The following SLC25A21 variants were observed in gnomAD, a reference collection of about 807,000 sequenced individuals.
The protein encoded by SLC25A21 is solute carrier family 25 member 21.
In SLC25A21, 47 loss-of-function variants were observed where a neutral mutation model predicts 43.8. That is an observed-to-expected ratio of 1.07 (90% confidence interval 0.85 to 1.37). SLC25A21 has a LOEUF of 1.37. Among genes scored for constraint, SLC25A21 ranks in the 40% most tolerant of loss-of-function variants. The probability of loss-of-function intolerance (pLI) is 0.00; values close to 1 mark genes in which losing one functional copy is unlikely to be tolerated. For missense variants in SLC25A21, 352 were observed against 350.2 expected, an observed-to-expected ratio of 1.00 and a Z score of -0.04; for synonymous variants, 131 against 121.3, an observed-to-expected ratio of 1.08 and a Z score of -0.52.
At chr14:37,002,551 G>A (rs542397040) in intron 1 of SLC25A21, among the ~76,000 whole-genome samples, 1 of 152,284 alleles carries the variant, frequency 6.6e-6, no homozygotes, top group Admixed American at 6.5e-5. Context: ...CTTTGAGCAA[G>A]TGAGTCAATT....
Position 36,901,365 on chromosome 14 carries a change from C to T in SLC25A21, c.71-26361G>A, listed in dbSNP as rs143425493. ...TAGCACAAGTAGATGGATTAGTAATCTCATAGTCATATGGAATAAAGGCAA... is the reference window on the plus strand; with the variant it reads ...TAGCACAAGTAGATGGATTAGTAATTTCATAGTCATATGGAATAAAGGCAA... On this transcript the variant is annotated intron_variant, in intron 1 of 9. Coordinates refer to ENST00000331299, the MANE Select transcript of SLC25A21 (RefSeq NM_030631.4). 2.3e-4 allele frequency among the ~76,000 whole-genome samples: 35 copies of T among 152,148 alleles called. 1 individual carries two copies. The East Asian group carries it at 5.6e-3, about 24-fold the overall frequency.
chr14:37,135,392 C>T (rs1215849714), intron 1 of SLC25A21, among the ~76,000 whole-genome samples: 1 of 151,754 alleles, frequency 6.6e-6, no homozygotes, highest in African/African-American at 2.4e-5. Context: ...GAGCAAGATC[C>T]TATCTCTAAA....
intron 3 of SLC25A21, among the ~76,000 whole-genome samples, chr14:36,757,516 A>G (rs1443111575): frequency 6.6e-6 from 1 of 152,220 alleles, no homozygotes; most frequent in African/African-American, 2.4e-5. Context: ...ATTTATCAAC[A>G]TAAGAGGAAT....
chr14:36,896,637 TG>T (rs1566720034), intron 1 of SLC25A21, among the ~76,000 whole-genome samples: 1 of 152,240 alleles, frequency 6.6e-6, no homozygotes, highest in African/African-American at 2.4e-5. Context: ...CTAGCCTTGA[TG>T]GTCTTTACAA....
At chr14:36,989,342 T>C (rs1336494514) in intron 1 of SLC25A21, among the ~76,000 whole-genome samples, 1 of 152,164 alleles carries the variant, frequency 6.6e-6, no homozygotes, top group East Asian at 1.9e-4. Flanking sequence ...TAAAGTGTAA[T>C]TCTTATATTG....
rs1382125404 is a variant in SLC25A21, at chr14:37,172,326, A to T, written c.25T>A (p.Leu9Ile). The change falls in exon 1 of 10, where the codon TTA becomes ATA. Residue 9 changes from leucine to isoleucine, a missense_variant. Transcript: ENST00000331299. ...ATCTGCCGAGAAGCCTCGCGCACTA[A>T]GCTGACTTCAGGCTTGGCGGACATC... MSAKPEVS[L>I]VREASRQIVA... 6.2e-7 allele frequency: 1 copy of T among 1,603,136 alleles called. No individual in the cohort carries two copies. The highest frequency in any genetic ancestry group is 8.5e-7 in the Non-Finnish European group (1 of 1,175,006).
intron 1 of SLC25A21, among the ~76,000 whole-genome samples, chr14:37,084,360 G>A (rs995710403): frequency 1.3e-5 from 2 of 152,170 alleles, no homozygotes; most frequent in African/African-American, 4.8e-5. Flanking sequence ...TGATGAACTG[G>A]TGGTAGGGGC....
At chr14:37,022,823 T>C (rs1961015404) in intron 1 of SLC25A21, among the ~76,000 whole-genome samples, 1 of 152,102 alleles carries the variant, frequency 6.6e-6, no homozygotes, top group Admixed American at 6.6e-5. Flanking sequence ...AGAGAATGAA[T>C]GAATTAGGAC....
intron 2 of SLC25A21, among the ~76,000 whole-genome samples, chr14:36,836,034 C>T (rs1402074292): frequency 6.6e-6 from 1 of 152,216 alleles, no homozygotes; most frequent in African/African-American, 2.4e-5. Context: ...ACTGAATCTA[C>T]CTAGTATTTC....
intron 1 of SLC25A21, among the ~76,000 whole-genome samples, chr14:36,956,414 G>A (rs1959343023): frequency 6.6e-6 from 1 of 152,148 alleles, no homozygotes; most frequent in South Asian, 2.1e-4. Flanking sequence ...AGTTTTATTT[G>A]GAACTTAATG....
intron 3 of SLC25A21, among the ~76,000 whole-genome samples, chr14:36,781,364 C>A (rs148480478): frequency 6.6e-6 from 1 of 152,014 alleles, no homozygotes; most frequent in Non-Finnish European, 1.5e-5. Flanking sequence ...CTTACTACTG[C>A]CATTTTGTTG....
At chr14:36,916,033 G>C (rs1285666154) in intron 1 of SLC25A21, among the ~76,000 whole-genome samples, 3 of 152,148 alleles carry the variant, frequency 2.0e-5, no homozygotes, top group Admixed American at 2.0e-4. Flanking sequence ...AACAACCATG[G>C]AAGTACAAAA....
At chr14:36,777,063 T>C (rs1040343199) in intron 3 of SLC25A21, among the ~76,000 whole-genome samples, 9 of 152,024 alleles carry the variant, frequency 5.9e-5, no homozygotes, top group Non-Finnish European at 1.3e-4. Context: ...ATTGAGACCA[T>C]CCTGGCCAAC....
chr14:36,716,105 A>T (rs564739600), intron 6 of SLC25A21, among the ~76,000 whole-genome samples: 23 of 152,234 alleles, frequency 1.5e-4, no homozygotes, highest in African/African-American at 5.3e-4. Context: ...ATAATAAATA[A>T]ATAAATAAAT....
intron 1 of SLC25A21, among the ~76,000 whole-genome samples, chr14:36,956,156 C>T (rs1356240947): frequency 2.0e-5 from 3 of 152,140 alleles, no homozygotes; most frequent in African/African-American, 7.2e-5. Context: ...CGCTGAGCCT[C>T]GGAGTTAAGA....
At chr14:36,955,031 AT>A (rs1959298887) in intron 1 of SLC25A21, among the ~76,000 whole-genome samples, 2 of 152,126 alleles carry the variant, frequency 1.3e-5, no homozygotes, top group Non-Finnish European at 2.9e-5. Flanking sequence ...GAGTTTTTGC[AT>A]GTTTTTTCTC....
At chr14:36,740,559 A>AC (rs1163503530) in intron 3 of SLC25A21, among the ~76,000 whole-genome samples, 3 of 152,232 alleles carry the variant, frequency 2.0e-5, no homozygotes, top group Non-Finnish European at 2.9e-5. Flanking sequence ...GACAGCTCAC[A>AC]CATAGCTTAT....
At chr14:36,708,678 C>T (rs991329424) in intron 7 of SLC25A21, among the ~76,000 whole-genome samples, 12 of 151,978 alleles carry the variant, frequency 7.9e-5, no homozygotes, top group Non-Finnish European at 1.8e-4. Context: ...CTCAAGCAAT[C>T]CTCTTGCCTC....
chr14:37,088,832 T>C (rs1962531259), intron 1 of SLC25A21, among the ~76,000 whole-genome samples: 1 of 152,226 alleles, frequency 6.6e-6, no homozygotes, highest in African/African-American at 2.4e-5. Context: ...GTAAGGCTTG[T>C]CCCTGATCAG....
Sources: allele counts gnomAD v4.1 joint callset (sites outside exome capture counted in the v4.1 genomes callset), GRCh38; gene constraint gnomAD v4.1.1; transcripts MANE v1.5; gene names NCBI Gene and HGNC (gene_info 2026-07-23, HGNC 2026-07-21).